Variants in ERCC5 observed in about 807,000 individuals in gnomAD.
ERCC5 encodes the protein ERCC excision repair 5, endonuclease.
A neutral mutation model predicts 105.6 loss-of-function variants in ERCC5; 68 were observed. That is an observed-to-expected ratio of 0.64 (90% CI 0.53 to 0.79). The LOEUF is 0.79. Among genes scored for constraint, ERCC5 ranks in the 30% least tolerant of loss-of-function variants. The pLI is 0.00. For missense variants in ERCC5, 1,373 were observed against 1,426.7 expected, an observed-to-expected ratio of 0.96 and a Z score of 0.61; for synonymous variants, 546 against 526.2, an observed-to-expected ratio of 1.04 and a Z score of -0.51.
chr13:102,848,747 T>G (rs1379386555), intron 1 of ERCC5, among the ~76,000 whole-genome samples: 1 of 152,220 alleles, frequency 6.6e-6, no homozygotes, highest in East Asian at 1.9e-4. Context: ...ATTTTCAGAT[T>G]GTCTCATTTT....
At position 102,856,045 on chromosome 13, in the gene ERCC5, C is replaced by T. The variant is rs1487717921; in HGVS notation, c.468-7C>T. ...ATAGATATCGTAAAAGTATGTTTGACTTTCAGTTCAGAAGAGGAAGATGAA... is the reference window on the plus strand; with the variant it reads ...ATAGATATCGTAAAAGTATGTTTGATTTTCAGTTCAGAAGAGGAAGATGAA... On this transcript the variant is annotated splice_polypyrimidine_tract_variant and splice_region_variant and intron_variant, in intron 4 of 14. Coordinates refer to ENST00000652225, the MANE Select transcript of ERCC5 (RefSeq NM_000123.4). 6.2e-7 allele frequency: 1 copy of T among 1,613,622 alleles called. No homozygotes were observed. Among genetic ancestry groups the T allele is most frequent in the African/African-American group, 1.3e-5 (1 of 74,880 alleles).
chr13:102,861,578 A>C lies in ERCC5; in HGVS notation c.744A>C (p.Glu248Asp). 1 of 1,614,168 alleles carries C rather than the reference A, an allele frequency of 6.2e-7. No homozygotes were observed. The highest frequency in any genetic ancestry group is 8.5e-7 in the Non-Finnish European group (1 of 1,180,018). Residue 248 changes from glutamate to aspartate, a missense_variant, in exon 7 of 15, where the codon GAA becomes GAC. Physicochemically the swap from Glu to Asp is conservative, Grantham distance 45. Around this residue, in one of 3 missense-constraint regions of ERCC5, gnomAD observed 1,004 missense variants for 1,059.7 expected, o/e 0.95. Transcript: ENST00000652225. Reference sequence around the variant, plus strand: ...AGAACTATCTGAACCAGCATATAGAACATGTCCAAAAGGAAATGAATCAGC... The same window carrying C: ...AGAACTATCTGAACCAGCATATAGACCATGTCCAAAAGGAAATGAATCAGC... Reference protein sequence around the residue: ...LKKNYLNQHIEHVQKEMNQQH... With the variant: ...LKKNYLNQHIDHVQKEMNQQH...
At chr13:102,864,195 T>A (rs1319344473) in intron 8 of ERCC5, among the ~76,000 whole-genome samples, 2 of 151,140 alleles carry the variant, frequency 1.3e-5, no homozygotes, top group African/African-American at 4.9e-5. Flanking sequence ...CTAGTTTTCT[T>A]CATTCAAATG....
intron 5 of ERCC5, among the ~76,000 whole-genome samples, chr13:102,857,132 A>G (rs1882454303): frequency 6.6e-6 from 1 of 152,158 alleles, no homozygotes. Flanking sequence ...TGATTCCCAA[A>G]TTCACTGTTT....
intron 12 of ERCC5, among the ~76,000 whole-genome samples, chr13:102,869,432 TTG>T (rs1882957921): frequency 2.2e-5 from 1 of 46,290 alleles, no homozygotes; most frequent in Non-Finnish European, 4.0e-5. Flanking sequence ...AGTTTACAAT[TTG>T]TTTATGTAAT....
At chr13:102,863,484 A>G (rs978565812) in intron 8 of ERCC5, among the ~76,000 whole-genome samples, 1 of 152,144 alleles carries the variant, frequency 6.6e-6, no homozygotes, top group East Asian at 1.9e-4. Flanking sequence ...ATTAGCTTAG[A>G]ATTTCTCTTG....
At chr13:102,849,768 A>G (rs1258460582) in intron 1 of ERCC5, among the ~76,000 whole-genome samples, 3 of 152,180 alleles carry the variant, frequency 2.0e-5, no homozygotes, top group African/African-American at 7.2e-5. Context: ...TAAACTCCAT[A>G]GGGCCAATAC....
At position 102,865,916 on chromosome 13, in the gene ERCC5, T is replaced by C. The variant is rs917898610; in HGVS notation, c.2199+5T>C. 2.3e-5 allele frequency: 37 copies of C among 1,614,022 alleles called. No homozygotes were observed. The Admixed American group carries it at 4.5e-4, about 20-fold the overall frequency. ...GAATGGCAAGATATTAATTTGGTAA[T>C]ACCGTAACATTGTGTTTCGACTTCT... On this transcript the variant is annotated splice_donor_5th_base_variant and intron_variant, in intron 9 of 14. Transcript: ENST00000652225. This position sits in a 1 kb window ranked among gnomAD's most constrained non-coding sequence, Gnocchi z 4.0.
chr13:102,854,048 C>T (rs561445670), intron 3 of ERCC5, 176 bp downstream of exon 3: 89 of 741,768 alleles, frequency 1.2e-4, no homozygotes, highest in Middle Eastern at 3.9e-4. Flanking sequence ...GGCAATTCTC[C>T]GTTCTGTGAG....
At position 102,872,227 on chromosome 13, in the gene ERCC5, C is replaced by G. The variant is rs138829032; in HGVS notation, c.2708C>G (p.Pro903Arg). 7 of 1,613,828 alleles carry G rather than the reference C, an allele frequency of 4.3e-6. No individual in the cohort carries two copies. In the African/African-American group the frequency reaches 9.4e-5, roughly 22 times the overall value. ...TGGTGGCATGAAGCTCAAAAAAATC[C>G]AAAGATAAGACCTAATCCTCATGAC... ...SEWWHEAQKNPKIRPNPHDTK... is the reference protein window; with the variant it reads ...SEWWHEAQKNRKIRPNPHDTK... The change falls in exon 13 of 15, where the codon CCA becomes CGA. Residue 903 changes from proline (P) to arginine (R), a missense_variant. Around this residue, in one of 3 missense-constraint regions of ERCC5, gnomAD observed 367 missense variants for 350.2 expected, o/e 1.05. Coordinates refer to ENST00000652225, the MANE Select transcript of ERCC5 (RefSeq NM_000123.4).
At chr13:102,860,841 A>G (rs1313521745) in intron 6 of ERCC5, among the ~76,000 whole-genome samples, 1 of 152,172 alleles carries the variant, frequency 6.6e-6, no homozygotes, top group Non-Finnish European at 1.5e-5. Flanking sequence ...TTTATGGGAT[A>G]AGGTTGTGCA....
chr13:102,856,527 G>A (rs1295808052), intron 5 of ERCC5, among the ~76,000 whole-genome samples: 1 of 152,194 alleles, frequency 6.6e-6, no homozygotes, highest in African/African-American at 2.4e-5. Flanking sequence ...TATCAAATGT[G>A]CATGTGTACA....
chr13:102,872,604 A>C lies in ERCC5; in HGVS notation c.2879+206A>C, dbSNP rs732321. Among the ~76,000 whole-genome samples, 15,293 of 151,768 alleles carry C rather than the reference A, an allele frequency of 0.1. 1,353 individuals are homozygous for C. Among genetic ancestry groups the C allele is most frequent in the African/African-American group, 0.24 (9,893 of 41,318 alleles). ...GTTTGTTTTAAAGGAACAGTGTATC[A>C]CTCTGTCACCCAGCCTGGAGTGCAG... On this transcript the variant is annotated intron_variant, in intron 13 of 14. Transcript: ENST00000652225.
intron 12 of ERCC5, among the ~76,000 whole-genome samples, chr13:102,870,842 G>T (rs930164799): frequency 1.3e-5 from 2 of 152,216 alleles, no homozygotes; most frequent in Admixed American, 1.3e-4. Flanking sequence ...TTGTGAAGCG[G>T]GGGAGCCTGA....
chr13:102,858,961 C>A (rs749757601), intron 6 of ERCC5: 1 of 456,052 alleles, frequency 2.2e-6, no homozygotes. Flanking sequence ...TCTCCACATT[C>A]CCTTGCCCTC....
chr13:102,861,208 C>T (rs1190060596), intron 6 of ERCC5, among the ~76,000 whole-genome samples: 6 of 151,972 alleles, frequency 3.9e-5, no homozygotes, highest in African/African-American at 9.7e-5. Context: ...AGGCTGGTCT[C>T]GAACTCCTGA....
intron 7 of ERCC5, 32 bp from the exon 8 acceptor site, chr13:102,861,997 TG>T: frequency 6.2e-7 from 1 of 1,612,512 alleles, no homozygotes; most frequent in Non-Finnish European, 8.5e-7. Flanking sequence ...ACTGTAAAAC[TG>T]AATGGTGAGA....
In ERCC5 at chr13:102,872,224, A is replaced by T. The variant is rs2140538691; in HGVS notation, c.2705A>T (p.Asn902Ile). 2 of 1,614,166 alleles carry T rather than the reference A, an allele frequency of 1.2e-6. No homozygotes were observed. The highest frequency in any genetic ancestry group is 3.3e-4 in the Middle Eastern group (2 of 6,062). ...GAATGGTGGCATGAAGCTCAAAAAA[A>T]TCCAAAGATAAGACCTAATCCTCAT... ...FSEWWHEAQK[N>I]PKIRPNPHDT... Residue 902 changes from asparagine to isoleucine, a missense_variant, in exon 13 of 15, where the codon AAT (asparagine) becomes ATT (isoleucine). Transcript: ENST00000652225.
At chr13:102,860,825 G>A (rs1231538043) in intron 6 of ERCC5, among the ~76,000 whole-genome samples, 1 of 152,088 alleles carries the variant, frequency 6.6e-6, no homozygotes, top group Admixed American at 6.5e-5. Flanking sequence ...GTGATTTATT[G>A]TGTCTTTTAT....
Sources: allele counts gnomAD v4.1 joint callset (sites outside exome capture counted in the v4.1 genomes callset), GRCh38; gene constraint gnomAD v4.1.1; regional missense constraint gnomAD v4.1.1; non-coding constraint Gnocchi (gnomAD v3.1); transcripts MANE v1.5; gene names NCBI Gene and HGNC (gene_info 2026-07-23, HGNC 2026-07-21).